The following CUBN variants were observed in gnomAD, a reference collection of about 807,000 sequenced individuals.
CUBN encodes cubilin.
In CUBN, 282 loss-of-function variants were observed where a neutral mutation model predicts 405.3. That is an observed-to-expected ratio of 0.70 (90% CI 0.63 to 0.77). CUBN has a LOEUF of 0.77. Among genes scored for constraint, CUBN ranks in the 30% least tolerant of loss-of-function variants. The pLI, the probability that CUBN is intolerant of heterozygous loss-of-function variation, is 0.00. For missense variants in CUBN, 4,514 were observed against 4,475.2 expected, an observed-to-expected ratio of 1.01 and a Z score of -0.25; for synonymous variants, 1,684 against 1,617.0, an observed-to-expected ratio of 1.04 and a Z score of -0.99.
intron 31 of CUBN, among the ~76,000 whole-genome samples, chr10:16,961,752 C>T (rs28499209): frequency 0.29 from 39,953 of 137,872 alleles, 6,105 homozygotes; most frequent in Non-Finnish European, 0.34. Flanking sequence ...CGCTCTGTGG[C>T]CCAGGCTGGA....
intron 14 of CUBN, among the ~76,000 whole-genome samples, chr10:17,091,535 G>A (rs879230581): frequency 4.6e-5 from 7 of 151,938 alleles, no homozygotes; most frequent in African/African-American, 1.7e-4. Context: ...AATAAATAAA[G>A]AAGAAATAAT....
intron 28 of CUBN, among the ~76,000 whole-genome samples, chr10:17,009,144 G>A (rs1488750826): frequency 1.3e-5 from 2 of 152,164 alleles, no homozygotes; most frequent in African/African-American, 4.8e-5. Flanking sequence ...AGATCTAAAT[G>A]ACTAAAAATT....
intron 33 of CUBN, 80 bp from the exon 34 acceptor site, chr10:16,950,191 G>A: frequency 3.2e-6 from 3 of 935,408 alleles, no homozygotes; most frequent in Non-Finnish European, 5.1e-6. Flanking sequence ...ACGGGGAGGT[G>A]GGGATGGTTA....
At chr10:16,915,193 A>T in intron 46 of CUBN, 21 bp from the exon 47 acceptor site, 1 of 1,613,144 alleles carries the variant, frequency 6.2e-7, no homozygotes, top group Middle Eastern at 1.9e-4. Context: ...CAAATAATTA[A>T]ATATACATGT....
At position 16,869,725 on chromosome 10, in the gene CUBN, T is replaced by C; in HGVS notation, c.9365A>G (p.Lys3122Arg). ...FCGSKRPPNVKSSNNSMLLVF... is the reference protein window; with the variant it reads ...FCGSKRPPNVRSSNNSMLLVF... ...CAGGAGCATACTATTATTGCTGCTC[T>C]TCACATTTGGTGGGCGCTTGGAACC... Residue 3122 changes from lysine (K) to arginine (R), a missense_variant, in exon 59 of 67, where the codon AAG becomes AGG. Around this residue, in one of 5 missense-constraint regions of CUBN, gnomAD observed 1,186 missense variants for 1,186.9 expected, o/e 1.00. Coordinates refer to ENST00000377833, the MANE Select transcript of CUBN (RefSeq NM_001081.4). 1.2e-6 allele frequency: 2 copies of C among 1,614,140 alleles called. No homozygotes were observed. The highest frequency in any genetic ancestry group is 2.2e-5 in the East Asian group (1 of 44,878).
intron 45 of CUBN, among the ~76,000 whole-genome samples, chr10:16,916,818 CTT>C (rs201355109): frequency 9.2e-5 from 13 of 140,778 alleles, no homozygotes; most frequent in African/African-American, 7.8e-5. Flanking sequence ...CTTTTTCTTT[CTT>C]TTTTTTTTTT....
intron 50 of CUBN, among the ~76,000 whole-genome samples, chr10:16,904,971 C>T (rs993102538): frequency 3.3e-5 from 5 of 152,178 alleles, no homozygotes; most frequent in Non-Finnish European, 7.3e-5. Context: ...CTGGCTGAGG[C>T]CCTTGGCCCG....
At chr10:17,035,045 A>T (rs1462683095) in intron 27 of CUBN, among the ~76,000 whole-genome samples, 1 of 151,120 alleles carries the variant, frequency 6.6e-6, no homozygotes, top group Admixed American at 6.6e-5. Flanking sequence ...GGTTTTGGGG[A>T]TTCAAACTTC....
At chr10:16,924,401 G>A (rs1466698504) in intron 43 of CUBN, among the ~76,000 whole-genome samples, 1 of 149,250 alleles carries the variant, frequency 6.7e-6, no homozygotes, top group Non-Finnish European at 1.5e-5. Flanking sequence ...GCTTATTTTT[G>A]TGTGTCAGTT....
intron 56 of CUBN, among the ~76,000 whole-genome samples, chr10:16,886,023 T>C (rs1055072521): frequency 3.3e-5 from 5 of 152,228 alleles, no homozygotes; most frequent in Non-Finnish European, 7.3e-5. Flanking sequence ...AATTGGATCA[T>C]CTTATACAAA....
rs1835668899 is a variant in CUBN, at chr10:17,068,708, A to G, written c.2688T>C (p.Pro896=). 3 of 1,612,076 alleles carry G rather than the reference A, an allele frequency of 1.9e-6. No homozygotes were observed. Among genetic ancestry groups the G allele is most frequent in the Non-Finnish European group, 2.5e-6 (3 of 1,178,402 alleles). Residue 896 remains proline (P), a synonymous_variant, in exon 20 of 67, where the codon CCT becomes CCC. Coordinates refer to ENST00000377833, the MANE Select transcript of CUBN (RefSeq NM_001081.4). The part of the protein sequence containing the change: ...ENKKYCGTDI[P]SFITSVYNFL... ...AATTGTACACAGATGTTATAAATGA[A>G]GGTATGTCTGTACCGCAATACTTTT...
At chr10:17,008,605 G>A (rs1834097240) in intron 28 of CUBN, among the ~76,000 whole-genome samples, 1 of 151,848 alleles carries the variant, frequency 6.6e-6, no homozygotes, top group Non-Finnish European at 1.5e-5. Context: ...TCTTCTACCT[G>A]GAATCCTTTT....
In CUBN at chr10:16,867,952, A is replaced by T. The variant is rs557011185; in HGVS notation, c.9454+1684T>A. On this transcript the variant is annotated intron_variant, in intron 59 of 66. Transcript: ENST00000377833. ...TTCTTGTGAGACTATATTAGGAAAA[A>T]GAAAAACAACTTGAAAGGTAGCAAA... Among the ~76,000 whole-genome samples, 137 of 152,358 alleles carry T rather than the reference A, an allele frequency of 9.0e-4. 1 individual carries two copies. The highest frequency in any genetic ancestry group is 1.1e-3 in the Non-Finnish European group (73 of 68,034).
At chr10:16,837,812 T>C (rs1418272590) in intron 62 of CUBN, among the ~76,000 whole-genome samples, 2 of 152,184 alleles carry the variant, frequency 1.3e-5, no homozygotes, top group East Asian at 1.9e-4. Flanking sequence ...GATTGTTTCC[T>C]GTATTCATTC....
chr10:17,028,227 T>A (rs1451828442), intron 27 of CUBN, among the ~76,000 whole-genome samples: 3 of 1,072 alleles, frequency 2.8e-3, no homozygotes. Context: ...CACTAAACAT[T>A]TATTATTATT....
intron 54 of CUBN, among the ~76,000 whole-genome samples, chr10:16,892,086 T>C (rs1841041877): frequency 6.6e-6 from 1 of 152,196 alleles, no homozygotes; most frequent in Non-Finnish European, 1.5e-5. Context: ...TAAAAACATT[T>C]CTATTGGGAA....
intron 40 of CUBN, among the ~76,000 whole-genome samples, chr10:16,928,599 G>A (rs1842276953): frequency 7.2e-6 from 1 of 138,050 alleles, no homozygotes; most frequent in Non-Finnish European, 1.5e-5. Context: ...GCACAGTCTC[G>A]GTTTAATGCA....
intron 59 of CUBN, among the ~76,000 whole-genome samples, chr10:16,859,461 C>T (rs1216340496): frequency 6.6e-6 from 1 of 152,064 alleles, no homozygotes; most frequent in Non-Finnish European, 1.5e-5. Flanking sequence ...ACAACAGCAA[C>T]AATAACAGTA....
intron 59 of CUBN, among the ~76,000 whole-genome samples, chr10:16,868,919 T>A (rs1409600888): frequency 6.6e-6 from 1 of 152,172 alleles, no homozygotes; most frequent in Non-Finnish European, 1.5e-5. Context: ...GCCACCATCA[T>A]CCAACAAATT....
Sources: allele counts gnomAD v4.1 joint callset (sites outside exome capture counted in the v4.1 genomes callset), GRCh38; gene constraint gnomAD v4.1.1; regional missense constraint gnomAD v4.1.1; transcripts MANE v1.5; gene names NCBI Gene and HGNC (gene_info 2026-07-23, HGNC 2026-07-21).